Variants in GPC5 observed in about 807,000 individuals in gnomAD.
GPC5 encodes the protein glypican-5.
Under a neutral mutation model 53.9 loss-of-function variants are expected in GPC5, and 47 were observed. The ratio of observed to expected loss-of-function variants is 0.87; its 90% CI spans 0.69 to 1.11. GPC5 has a LOEUF of 1.11. Ranked by LOEUF, GPC5 falls within the 50% of genes most tolerant of loss-of-function variation. The pLI is 0.00. For missense variants in GPC5, 748 were observed against 713.1 expected, an observed-to-expected ratio of 1.05 and a Z score of -0.56; for synonymous variants, 286 against 263.3, an observed-to-expected ratio of 1.09 and a Z score of -0.84.
intron 2 of GPC5, among the ~76,000 whole-genome samples, chr13:91,593,619 C>A (rs76712424): frequency 0.037 from 5,639 of 152,166 alleles, 349 homozygotes; most frequent in African/African-American, 0.13. Context: ...TGCCTCATAA[C>A]CTTTACCACA....
chr13:92,583,783 C>G (rs1030409236), intron 7 of GPC5, among the ~76,000 whole-genome samples: 4 of 152,120 alleles, frequency 2.6e-5, no homozygotes, highest in African/African-American at 9.7e-5. Flanking sequence ...CTTGAATTCC[C>G]AAGTGTTGTG....
intron 7 of GPC5, among the ~76,000 whole-genome samples, chr13:92,549,187 A>G (rs1271523193): frequency 1.3e-5 from 2 of 152,160 alleles, no homozygotes; most frequent in East Asian, 1.9e-4. Flanking sequence ...TTCTGCAAAG[A>G]TAAGAGTATT....
chr13:92,640,955 T>C (rs1165670247), intron 7 of GPC5, among the ~76,000 whole-genome samples: 2 of 124,828 alleles, frequency 1.6e-5, no homozygotes, highest in African/African-American at 6.3e-5. Flanking sequence ...CTGATACAAG[T>C]GAAAGGAGTA....
Position 92,619,495 on chromosome 13 carries a change from A to G in GPC5, c.1562-246787A>G, listed in dbSNP as rs79561370. Among the ~76,000 whole-genome samples, 512 of 152,108 alleles carry G rather than the reference A, an allele frequency of 3.4e-3. 1 individual carries two copies. Among genetic ancestry groups the G allele is most frequent in the African/African-American group, 0.012 (488 of 41,556 alleles). On this transcript the variant is annotated intron_variant, in intron 7 of 7. Transcript: ENST00000377067. ...TCTTTAAAATCAACTAATTTAATCA[A>G]ATCCATTTAAATTCAAGTAACATGC...
chr13:92,824,204 C>A (rs1221103451), intron 7 of GPC5, among the ~76,000 whole-genome samples: 3 of 151,956 alleles, frequency 2.0e-5, no homozygotes. Context: ...TACACACTGC[C>A]CTCATTCCAC....
At chr13:92,558,271 A>G (rs1245281709) in intron 7 of GPC5, among the ~76,000 whole-genome samples, 2 of 152,062 alleles carry the variant, frequency 1.3e-5, no homozygotes, top group Non-Finnish European at 2.9e-5. Flanking sequence ...TATAAATGCA[A>G]TACATAAATT....
At chr13:91,469,328 C>T (rs543102212) in intron 2 of GPC5, among the ~76,000 whole-genome samples, 113 of 152,208 alleles carry the variant, frequency 7.4e-4, no homozygotes, top group Non-Finnish European at 1.1e-3. Flanking sequence ...GGGCTAGTGT[C>T]GAACTTCTGG....
intron 7 of GPC5, among the ~76,000 whole-genome samples, chr13:92,536,722 G>A (rs546970773): frequency 6.6e-6 from 1 of 152,026 alleles, no homozygotes; most frequent in Non-Finnish European, 1.5e-5. Context: ...TGAATATCAT[G>A]GTTTTTGGAG....
At chr13:92,085,454 G>A (rs1021071833) in intron 6 of GPC5, among the ~76,000 whole-genome samples, 3 of 152,148 alleles carry the variant, frequency 2.0e-5, no homozygotes, top group African/African-American at 7.2e-5. Flanking sequence ...TGGAAGAACA[G>A]ACTCTCTAAG....
At chr13:92,162,822 T>C (rs79903026) in intron 7 of GPC5, among the ~76,000 whole-genome samples, 19 of 152,004 alleles carry the variant, frequency 1.2e-4, no homozygotes, top group Admixed American at 9.2e-4. Flanking sequence ...ATACTTTTTT[T>C]CTGTGGTGAT....
intron 7 of GPC5, among the ~76,000 whole-genome samples, chr13:92,733,820 G>A (rs1466341203): frequency 6.6e-6 from 1 of 151,610 alleles, no homozygotes; most frequent in African/African-American, 2.4e-5. Context: ...AAAATCATAT[G>A]ACATTCAGTT....
chr13:92,090,182 T>A (rs545725152), intron 6 of GPC5, among the ~76,000 whole-genome samples: 1 of 152,322 alleles, frequency 6.6e-6, no homozygotes, highest in Non-Finnish European at 1.5e-5. Flanking sequence ...TTTCTTGTTG[T>A]TTTATCATCA....
At chr13:91,438,518 G>C (rs1880160905) in intron 1 of GPC5, among the ~76,000 whole-genome samples, 1 of 152,174 alleles carries the variant, frequency 6.6e-6, no homozygotes. Flanking sequence ...TCGTTCCTCT[G>C]GAAGTTTTGT....
intron 6 of GPC5, among the ~76,000 whole-genome samples, chr13:91,961,769 C>A (rs1040557870): frequency 6.6e-6 from 1 of 151,916 alleles, no homozygotes; most frequent in Non-Finnish European, 1.5e-5. Context: ...AATACTGAGC[C>A]AAATAAGTAA....
intron 7 of GPC5, among the ~76,000 whole-genome samples, chr13:92,236,782 A>G (rs546875505): frequency 2.0e-5 from 3 of 152,280 alleles, no homozygotes; most frequent in Non-Finnish European, 4.4e-5. Flanking sequence ...AAATTAGCAC[A>G]AAGGTCTTTG....
intron 1 of GPC5, among the ~76,000 whole-genome samples, chr13:91,433,900 G>A (rs553040461): frequency 6.6e-5 from 10 of 152,124 alleles, no homozygotes; most frequent in African/African-American, 2.2e-4. Context: ...AGTCTAACTG[G>A]TGTGAGATGG....
chr13:92,218,616 G>A (rs2042427540), intron 7 of GPC5, among the ~76,000 whole-genome samples: 1 of 151,976 alleles, frequency 6.6e-6, no homozygotes, highest in African/African-American at 2.4e-5. Flanking sequence ...TACCTTAAAG[G>A]TCCATAAAAA....
chr13:92,263,684 G>C (rs2042781729), intron 7 of GPC5, among the ~76,000 whole-genome samples: 2 of 151,954 alleles, frequency 1.3e-5, no homozygotes, highest in Admixed American at 1.3e-4. Context: ...TTATAAATGG[G>C]GACAAAATAT....
intron 6 of GPC5, among the ~76,000 whole-genome samples, chr13:91,920,522 C>A (rs970885272): frequency 1.1e-4 from 16 of 152,290 alleles, no homozygotes; most frequent in African/African-American, 3.9e-4. Flanking sequence ...AGTCATGACT[C>A]CCTACTGAAT....
Sources: allele counts gnomAD v4.1 joint callset (sites outside exome capture counted in the v4.1 genomes callset), GRCh38; gene constraint gnomAD v4.1.1; transcripts MANE v1.5; gene names NCBI Gene and HGNC (gene_info 2026-07-23, HGNC 2026-07-21).